FRMD7: variants seen among roughly 807,000 people sequenced by gnomAD.
The protein encoded by FRMD7 is FERM domain containing 7.
Under a neutral mutation model 44.1 loss-of-function variants are expected in FRMD7, and 14 were observed. The ratio of observed to expected loss-of-function variants is 0.32; its 90% CI spans 0.21 to 0.50. The LOEUF (loss-of-function observed/expected upper bound fraction) is 0.50. FRMD7 is among the 20% of genes least tolerant of loss of function. The pLI is 0.99. For synonymous variants in FRMD7, 212 were observed against 187.4 expected (o/e 1.13, Z -1.07); for missense variants, 501 against 522.3 (o/e 0.96, Z 0.40).
Position 132,085,630 on chromosome X carries a change from C to G in FRMD7, c.596G>C (p.Gly199Ala), listed in dbSNP as rs748086254. The G allele has an allele frequency of 9.1e-6, 11 of 1,209,301 alleles. No individual in the cohort carries two copies. Among genetic ancestry groups the G allele is most frequent in the Admixed American group, 2.2e-5 (1 of 46,048 alleles). ...IRPHPASDGE[G>A]MQIHLAVAHM... ...AGCAACAGCCAGGTGAATCTGCATC[C>G]CTTCACCATCACTGGCGGGGTGAGG... is the stretch of plus-strand genomic sequence containing the variant. The change falls in exon 7 of 12, where the codon GGG (glycine) becomes GCG (alanine). Residue 199 changes from glycine to alanine, a missense_variant. Physicochemically the swap from Gly to Ala is moderately conservative, Grantham distance 60 (BLOSUM62 0). Coordinates refer to ENST00000298542, the MANE Select transcript of FRMD7 (RefSeq NM_194277.3).
intron 1 of FRMD7, among the ~76,000 whole-genome samples, chrX:132,113,499 C>A (rs1928827484): frequency 9.0e-6 from 1 of 111,146 alleles, no homozygotes; most frequent in Non-Finnish European, 1.9e-5. Flanking sequence ...GGGCTCATTT[C>A]ATTATGCCAG....
intron 2 of FRMD7, among the ~76,000 whole-genome samples, 188 bp from the exon 3 acceptor site, chrX:132,099,698 C>T (rs907802887): frequency 8.0e-5 from 9 of 111,949 alleles, no homozygotes; most frequent in Admixed American, 4.7e-4. Context: ...TATATTTTCC[C>T]GATGACAGTG....
chrX:132,113,206 T>G (rs1276557434), intron 1 of FRMD7, among the ~76,000 whole-genome samples: 1 of 112,248 alleles, frequency 8.9e-6, no homozygotes, highest in East Asian at 2.8e-4. Context: ...ATTGTTTGTC[T>G]CCACATAACA....
chrX:132,112,187 G>A (rs1928794050), intron 1 of FRMD7, among the ~76,000 whole-genome samples: 1 of 111,916 alleles, frequency 8.9e-6, no homozygotes, highest in African/African-American at 3.3e-5. Flanking sequence ...CTCCTTCAGG[G>A]CAGAGGCAGA....
At chrX:132,111,151 A>C (rs768644202) in intron 1 of FRMD7, among the ~76,000 whole-genome samples, 19 of 112,557 alleles carry the variant, frequency 1.7e-4, no homozygotes, top group Non-Finnish European at 3.4e-4. Flanking sequence ...AGCCTGGCCA[A>C]CAAAGCAAGA....
intron 1 of FRMD7, among the ~76,000 whole-genome samples, chrX:132,120,095 A>T (rs1228338484): frequency 9.0e-6 from 1 of 111,468 alleles, no homozygotes; most frequent in Non-Finnish European, 1.9e-5. Flanking sequence ...TGCCCTTTTG[A>T]CCCCAAGACA....
At chrX:132,089,875 T>G (rs1928113673) in intron 5 of FRMD7, among the ~76,000 whole-genome samples, 1 of 112,144 alleles carries the variant, frequency 8.9e-6, no homozygotes, top group Non-Finnish European at 1.9e-5. Flanking sequence ...CTTGTACATT[T>G]CTAATGTTAT....
chrX:132,096,905 C>T (rs769786233), intron 4 of FRMD7, among the ~76,000 whole-genome samples: 5 of 111,426 alleles, frequency 4.5e-5, no homozygotes, highest in Non-Finnish European at 9.4e-5. Context: ...CCCACATTTT[C>T]AATTTCCATG....
In FRMD7 at chrX:132,127,857, C is replaced by T. The variant is rs376467138; in HGVS notation, c.-13G>A. 8.4e-6 allele frequency: 10 copies of T among 1,196,532 alleles called. No individual in the cohort carries two copies. Among genetic ancestry groups the T allele is most frequent in the Admixed American group, 4.4e-5 (2 of 45,764 alleles). ...TTAAATGTAGCATTCTCAGCGAGGCCGTTGGGCTGCAAGCAGGCTCAGAGT... is the reference window on the plus strand; with the variant it reads ...TTAAATGTAGCATTCTCAGCGAGGCTGTTGGGCTGCAAGCAGGCTCAGAGT... On this transcript the variant is annotated 5_prime_UTR_variant, in exon 1 of 12. Transcript: ENST00000298542.
intron 1 of FRMD7, among the ~76,000 whole-genome samples, chrX:132,121,017 C>G (rs1929020913): frequency 9.0e-6 from 1 of 111,695 alleles, no homozygotes; most frequent in Non-Finnish European, 1.9e-5. Context: ...ACTTGGCTTT[C>G]TTTGTACAGG....
rs903289530 is a variant in FRMD7, at chrX:132,098,161, GTTCAATTTGAAT to G, written c.206-829_206-818del. Among the ~76,000 whole-genome samples the G allele has an allele frequency of 2.7e-5, 3 of 112,243 alleles. No individual in the cohort carries two copies. In the South Asian group the frequency reaches 1.1e-3, roughly 41 times the overall value. ...GTGAATAAGAAGCACAGGATTCCCA[GTTCAATTTGAAT>G]TTCAGATAAACAACAATTGCATGAG... On this transcript the variant is annotated intron_variant, in intron 3 of 11. Transcript: ENST00000298542.
intron 11 of FRMD7, among the ~76,000 whole-genome samples, chrX:132,079,590 C>A (rs1927741180): frequency 8.9e-6 from 1 of 112,150 alleles, no homozygotes; most frequent in Admixed American, 9.5e-5. Flanking sequence ...TCCAAGGGAA[C>A]AACACTTTGT....
Position 132,078,061 on chromosome X carries a change from A to G in FRMD7, c.1956T>C (p.Asp652=). 8.3e-7 allele frequency: 1 copy of G among 1,211,505 alleles called. No individual in the cohort carries two copies. The highest frequency in any genetic ancestry group is 1.1e-6 in the Non-Finnish European group (1 of 895,308). Residue 652 remains aspartate (D), a synonymous_variant, in exon 12 of 12, where the codon GAT becomes GAC. Coordinates refer to ENST00000298542, the MANE Select transcript of FRMD7 (RefSeq NM_194277.3). Reference sequence around the variant, plus strand: ...CTGGTTTAAGAATCTCTGATTCAGAATCACTGGATTCACTAGCTACATACC... The same window carrying G: ...CTGGTTTAAGAATCTCTGATTCAGAGTCACTGGATTCACTAGCTACATACC... The part of the protein sequence containing the change: ...AERYVASESS[D]SESEILKPDY...
intron 2 of FRMD7, among the ~76,000 whole-genome samples, 187 bp downstream of exon 2, chrX:132,100,425 C>T (rs1168536563): frequency 8.9e-6 from 1 of 112,457 alleles, no homozygotes; most frequent in Non-Finnish European, 1.9e-5. Context: ...AGCCACCGCA[C>T]CTGGCCAAGG....
intron 8 of FRMD7, among the ~76,000 whole-genome samples, chrX:132,083,135 T>C (rs942160311): frequency 5.4e-5 from 6 of 111,465 alleles, no homozygotes; most frequent in African/African-American, 1.6e-4. Context: ...GTAGTTTTTT[T>C]TGTTGAGATG....
intron 1 of FRMD7, among the ~76,000 whole-genome samples, chrX:132,118,346 C>T (rs1179679681): frequency 9.1e-6 from 1 of 109,961 alleles, no homozygotes; most frequent in Non-Finnish European, 1.9e-5. Flanking sequence ...TCTTGTCACA[C>T]GACCAGGAAA....
At chrX:132,102,635 G>GAA (rs759886124) in intron 1 of FRMD7, among the ~76,000 whole-genome samples, 7 of 100,529 alleles carry the variant, frequency 7.0e-5, no homozygotes, top group African/African-American at 2.5e-4. Context: ...TTTTTATTAT[G>GAA]AAAAAAAAAA....
At chrX:132,101,566 G>C (rs1301477208) in intron 1 of FRMD7, among the ~76,000 whole-genome samples, 1 of 112,063 alleles carries the variant, frequency 8.9e-6, no homozygotes, top group Non-Finnish European at 1.9e-5. Flanking sequence ...TTACTCACCA[G>C]TTCTAATTCA....
In FRMD7 at chrX:132,127,810, G is replaced by T. The variant is rs1249392602; in HGVS notation, c.35C>A (p.Ser12Tyr). The T allele has an allele frequency of 1.7e-6, 2 of 1,208,242 alleles. No homozygotes were observed. Among genetic ancestry groups the T allele is most frequent in the Admixed American group, 4.4e-5 (2 of 45,975 alleles). ...LHLKVQFLDD[S>Y]QKIFVVDQKS... ...TACATCAACCACAAAAATCTTCTGG[G>T]AATCATCCAAAAACTGCACTTTTAA... The change falls in exon 1 of 12, where the codon TCC becomes TAC. Residue 12 changes from serine (S) to tyrosine (Y), a missense_variant. Around this residue, in one of 3 missense-constraint regions of FRMD7, gnomAD observed 24 missense variants for 21.6 expected, o/e 1.11. Transcript: ENST00000298542.
Sources: gnomAD v4.1 joint callset for allele counts (sites outside exome capture counted in the v4.1 genomes callset) on GRCh38, gnomAD v4.1.1 for gene constraint, gnomAD v4.1.1 regional missense constraint, MANE v1.5 for transcripts, NCBI Gene and HGNC (gene_info 2026-07-23, HGNC 2026-07-21) for gene names.